The following ABHD17A variants were observed in gnomAD, a reference collection of about 807,000 sequenced individuals.
ABHD17A encodes abhydrolase domain containing 17A, depalmitoylase.
ABHD17A carries 10 observed loss-of-function variants against 26.8 expected under a neutral mutation model. That is an observed-to-expected ratio of 0.37 (90% CI 0.23 to 0.63). ABHD17A has a LOEUF of 0.63. Ranked by LOEUF, ABHD17A falls within the 30% of genes least tolerant of loss-of-function variation. The pLI is 0.61. For missense variants in ABHD17A, 292 were observed against 457.3 expected (o/e 0.64, Z 3.30); for synonymous variants, 167 against 210.9 (o/e 0.79, Z 1.80).
At chr19:1,883,038 G>A in intron 1 of ABHD17A, 1 of 152,230 alleles carries the variant, frequency 6.6e-6, no homozygotes, top group East Asian at 1.9e-4. Flanking sequence ...TGCTCCCTCA[G>A]GACCTGATGT....
In ABHD17A at chr19:1,877,748, C is replaced by G. The variant is rs1358463117; in HGVS notation, c.528-61G>C. On this transcript the variant is annotated intron_variant, in intron 3 of 4. Coordinates refer to ENST00000292577, the MANE Select transcript of ABHD17A (RefSeq NM_001130111.2). ...GACGCGCGCGCACCCTTCCCACCAG[C>G]GGGCGTCCCCGGGCCCAGCTCCGGA... The G allele has an allele frequency of 1.1e-5, 17 of 1,520,906 alleles. No homozygotes were observed. In the East Asian group the frequency reaches 3.6e-4, roughly 32 times the overall value. 94.2% of individuals were successfully genotyped at this position (1,520,906 alleles called of 1,614,324 possible).
At chr19:1,881,015 C>T (rs1416743684) in intron 2 of ABHD17A, 13 of 1,611,438 alleles carry the variant, frequency 8.1e-6, no homozygotes, top group Non-Finnish European at 1.1e-5. Context: ...CCCATGCCAG[C>T]TGGGGATGGC....
Position 1,880,958 on chromosome 19 carries a change from C to A in ABHD17A, c.332+277G>T, listed in dbSNP as rs1277648043. ...CCCCTGTGCCCCAGCTCTTGCCCAG[C>A]AGGCAACCACCAGGCGCTGGGTTGT... is the stretch of plus-strand genomic sequence containing the variant. On this transcript the variant is annotated intron_variant, in intron 2 of 4. Coordinates refer to ENST00000292577, the MANE Select transcript of ABHD17A (RefSeq NM_001130111.2). The surrounding 1 kb of genome is among the most constrained non-coding windows in gnomAD (Gnocchi z 4.1). 20 of 1,612,576 alleles carry A rather than the reference C, an allele frequency of 1.2e-5. No individual in the cohort carries two copies. The highest frequency in any genetic ancestry group is 2.7e-5 in the African/African-American group (2 of 74,944).
Position 1,880,754 on chromosome 19 carries a change from G to C in ABHD17A, c.332+481C>G. The C allele has an allele frequency of 8.1e-7, 1 of 1,234,370 alleles. No individual in the cohort carries two copies. The highest frequency in any genetic ancestry group is 1.1e-6 in the Non-Finnish European group (1 of 894,374). 76.5% of individuals were successfully genotyped at this position (1,234,370 alleles called of 1,614,324 possible). A position where few individuals can be genotyped will look rare whatever the true frequency, so the allele number is the denominator to read the frequency against. On this transcript the variant is annotated intron_variant, in intron 2 of 4. Coordinates refer to ENST00000292577, the MANE Select transcript of ABHD17A (RefSeq NM_001130111.2). This position sits in a 1 kb window ranked among gnomAD's most constrained non-coding sequence, Gnocchi z 4.1. ...AAGGCCTGTCTGCTTCCCAGCACGG[G>C]AGCTGCCCCAGGTGGTGCCAGGAGC...
chr19:1,877,735 C>A (rs1378871416), intron 3 of ABHD17A, 48 bp from the exon 4 acceptor site: 2 of 1,564,464 alleles, frequency 1.3e-6, no homozygotes, highest in South Asian at 2.3e-5. Flanking sequence ...CGCGCGCGCA[C>A]CCTTCCCACC....
chr19:1,880,137 C>A lies in ABHD17A; in HGVS notation c.333-22G>T. On this transcript the variant is annotated intron_variant, in intron 2 of 4. Coordinates refer to ENST00000292577, the MANE Select transcript of ABHD17A (RefSeq NM_001130111.2). The surrounding 1 kb of genome is among the most constrained non-coding windows in gnomAD (Gnocchi z 4.1). ...GTACCTGGGACAGGCCGAGAAGGGC[C>A]GTTCACATCCTCGCTCCCAGCGCCC... 6.2e-7 allele frequency: 1 copy of A among 1,611,768 alleles called. No homozygotes were observed. Among genetic ancestry groups the A allele is most frequent in the Non-Finnish European group, 8.5e-7 (1 of 1,179,424 alleles).
chr19:1,884,591 G>A (rs902434252), intron 1 of ABHD17A, among the ~76,000 whole-genome samples: 3 of 152,126 alleles, frequency 2.0e-5, no homozygotes, highest in Non-Finnish European at 4.4e-5. Flanking sequence ...AGTCAGGGTG[G>A]GAAACCCGCC....
At position 1,880,017 on chromosome 19, in the gene ABHD17A, GAGA is replaced by G. The variant is rs759678716; in HGVS notation, c.428_430del (p.Phe143del). 3.1e-6 allele frequency: 5 copies of G among 1,613,276 alleles called. No individual in the cohort carries two copies. Among genetic ancestry groups the G allele is most frequent in the African/African-American group, 1.3e-5 (1 of 75,078 alleles). On this transcript the variant is annotated inframe_deletion, in exon 3 of 5. Coordinates refer to ENST00000292577, the MANE Select transcript of ABHD17A (RefSeq NM_001130111.2). This position sits in a 1 kb window ranked among gnomAD's most constrained non-coding sequence, Gnocchi z 4.1. ...GGCACCGTAGCCGGAGTAGTCGTAG[GAGA>G]AGATGTTGCAGTGGAGGCGGGAGCC... is the stretch of plus-strand genomic sequence containing the variant.
Position 1,880,804 on chromosome 19 carries a change from G to A in ABHD17A, c.332+431C>T, listed in dbSNP as rs1817734090. On this transcript the variant is annotated intron_variant, in intron 2 of 4. Coordinates refer to ENST00000292577, the MANE Select transcript of ABHD17A (RefSeq NM_001130111.2). This position sits in a 1 kb window ranked among gnomAD's most constrained non-coding sequence, Gnocchi z 4.1. ...CAGGTGGCCAGGCTGGCCCTGCCAT[G>A]GACTGCTTCCTCCAGTTCCCCCAGG... The A allele has an allele frequency of 6.4e-7, 1 of 1,553,898 alleles. No individual in the cohort carries two copies. Among genetic ancestry groups the A allele is most frequent in the Non-Finnish European group, 8.7e-7 (1 of 1,144,650 alleles).
In ABHD17A at chr19:1,879,946, C is replaced by T. The variant is rs143288952; in HGVS notation, c.502G>A (p.Ala168Thr). ...SERNLYADID[A>T]AWQALRTRYG... ...CTGGTGCGCAGGGCCTGCCAGGCGGCGTCGATGTCGGCATAGAGGTTCCTC... is the reference window on the plus strand; with the variant it reads ...CTGGTGCGCAGGGCCTGCCAGGCGGTGTCGATGTCGGCATAGAGGTTCCTC... The change falls in exon 3 of 5, where the codon GCC becomes ACC. Residue 168 changes from alanine (A) to threonine (T), a missense_variant. By Grantham distance (58) the Ala-to-Thr change is moderately conservative. Around this residue, in one of 4 missense-constraint regions of ABHD17A, gnomAD observed 25 missense variants for 40.3 expected, o/e 0.62. Coordinates refer to ENST00000292577, the MANE Select transcript of ABHD17A (RefSeq NM_001130111.2). This position sits in a 1 kb window ranked among gnomAD's most constrained non-coding sequence, Gnocchi z 7.6. 260 of 1,611,986 alleles carry T rather than the reference C, an allele frequency of 1.6e-4. No homozygotes were observed. The highest frequency in any genetic ancestry group is 1.8e-4 in the Non-Finnish European group (209 of 1,179,666).
At chr19:1,877,472 C>T in intron 4 of ABHD17A, 36 bp downstream of exon 4, 1 of 1,576,274 alleles carries the variant, frequency 6.3e-7, no homozygotes, top group South Asian at 1.1e-5. Flanking sequence ...CCGGCCCGGG[C>T]CCCGCCCCGC....
chr19:1,882,526 CG>C (rs2012571564), intron 1 of ABHD17A: 1 of 152,048 alleles, frequency 6.6e-6, no homozygotes, highest in Admixed American at 6.6e-5. Context: ...TGACCGTGGG[CG>C]AGTCCCTTGC....
In ABHD17A at chr19:1,879,762, C is replaced by A. The variant is rs966802893; in HGVS notation, c.527+159G>T. 2.8e-6 allele frequency: 2 copies of A among 711,810 alleles called. No homozygotes were observed. The highest frequency in any genetic ancestry group is 4.6e-6 in the Non-Finnish European group (2 of 436,426). The allele number at this position is 711,810 out of a possible 1,614,324, so 44.1% of individuals were successfully genotyped here. Reference sequence around the variant, plus strand: ...GCCATGTGGAGGCGGCACCTGCACACCCAAGCTCGCCTGTCCGGCTCTCTG... The same window carrying A: ...GCCATGTGGAGGCGGCACCTGCACAACCAAGCTCGCCTGTCCGGCTCTCTG... On this transcript the variant is annotated intron_variant, in intron 3 of 4. Coordinates refer to ENST00000292577, the MANE Select transcript of ABHD17A (RefSeq NM_001130111.2). This position sits in a 1 kb window ranked among gnomAD's most constrained non-coding sequence, Gnocchi z 7.6.
At position 1,876,913 on chromosome 19, in the gene ABHD17A, C is replaced by G; in HGVS notation, c.*287G>C. The G allele has an allele frequency of 2.2e-6, 1 of 457,916 alleles. No individual in the cohort carries two copies. 28.4% of individuals were successfully genotyped at this position (457,916 alleles called of 1,614,324 possible). A position where few individuals can be genotyped will look rare whatever the true frequency, so the allele number is the denominator to read the frequency against. On this transcript the variant is annotated 3_prime_UTR_variant, in exon 5 of 5. Transcript: ENST00000292577. ...GGACGAAACCTGGGAACCCCGGCCC[C>G]CTTTCGAGCTCGCTGAGCGCTCGAG...
Position 1,880,940 on chromosome 19 carries a change from GC to G in ABHD17A, c.332+294del. On this transcript the variant is annotated intron_variant, in intron 2 of 4. Transcript: ENST00000292577. This position sits in a 1 kb window ranked among gnomAD's most constrained non-coding sequence, Gnocchi z 4.1. The stretch of plus-strand genomic sequence containing the variant: ...ACCCGCAGGCCAGGGCAGCCCCTGT[GC>G]CCCAGCTCTTGCCCAGCAGGCAACC... 1 of 1,613,068 alleles carries G rather than the reference GC, an allele frequency of 6.2e-7. No individual in the cohort carries two copies. The highest frequency in any genetic ancestry group is 2.2e-5 in the East Asian group (1 of 44,874).
At chr19:1,881,149 A>T (rs1599208434) in intron 2 of ABHD17A, 86 bp downstream of exon 2, 1 of 1,572,588 alleles carries the variant, frequency 6.4e-7, no homozygotes, top group Admixed American at 1.8e-5. Context: ...CCTCGGGGGC[A>T]CCACCAACCA....
intron 3 of ABHD17A, chr19:1,877,979 A>G (rs1161796544): frequency 1.6e-5 from 7 of 442,418 alleles, no homozygotes; most frequent in Non-Finnish European, 2.9e-5. Context: ...GGGCGGGGGT[A>G]AGGGAGGCCC....
chr19:1,878,581 C>T (rs2012437289), intron 3 of ABHD17A: 1 of 152,576 alleles, frequency 6.6e-6, no homozygotes, highest in African/African-American at 2.4e-5. Flanking sequence ...TCCCCTCTGC[C>T]TGGCATCTCC....
At position 1,881,600 on chromosome 19, in the gene ABHD17A, GC is replaced by G. The variant is rs1382258599; in HGVS notation, c.-35del. ...CCGCCCAGGCCGGGCCTCCACCGGG[GC>G]CCCCGCCAACAACGCCGCCCGGCCT... On this transcript the variant is annotated 5_prime_UTR_variant, in exon 2 of 5. Transcript: ENST00000292577. 4.0e-6 allele frequency: 6 copies of G among 1,509,606 alleles called. No individual in the cohort carries two copies. 93.5% of individuals were successfully genotyped at this position (1,509,606 alleles called of 1,614,324 possible).
Sources: allele counts gnomAD v4.1 joint callset (sites outside exome capture counted in the v4.1 genomes callset), GRCh38; gene constraint gnomAD v4.1.1; regional missense constraint gnomAD v4.1.1; non-coding constraint Gnocchi (gnomAD v3.1); transcripts MANE v1.5; gene names NCBI Gene and HGNC (gene_info 2026-07-23, HGNC 2026-07-21).